SLCO1A2: variants seen among roughly 807,000 people sequenced by gnomAD.
SLCO1A2 encodes OATP-1.
In SLCO1A2, 67 loss-of-function variants were observed where a neutral mutation model predicts 69.0. That is an observed-to-expected ratio of 0.97 (90% CI 0.80 to 1.19). SLCO1A2 has a LOEUF of 1.19. Among genes scored for constraint, SLCO1A2 ranks in the 50% most tolerant of loss-of-function variants. The probability of loss-of-function intolerance (pLI) is 0.00; values close to 1 mark genes in which losing one functional copy is unlikely to be tolerated. For synonymous variants in SLCO1A2, 260 were observed against 265.9 expected (o/e 0.98, Z 0.22); for missense variants, 787 against 793.7 (o/e 0.99, Z 0.10).
At chr12:21,408,765 C>G (rs941355954) in intron 1 of SLCO1A2, among the ~76,000 whole-genome samples, 6 of 152,058 alleles carry the variant, frequency 3.9e-5, no homozygotes, top group African/African-American at 1.2e-4. Flanking sequence ...CTCCCGCACA[C>G]ACGCACTTAT....
intron 12 of SLCO1A2, 37 bp downstream of exon 12, chr12:21,292,126 AC>A (rs1398216353): frequency 1.4e-6 from 2 of 1,440,008 alleles, no homozygotes; most frequent in African/African-American, 2.9e-5. Context: ...TTAATAAATG[AC>A]CCCAAAAAAA....
chr12:21,390,244 T>C (rs1446565836), intron 1 of SLCO1A2, among the ~76,000 whole-genome samples: 5 of 152,070 alleles, frequency 3.3e-5, no homozygotes, highest in African/African-American at 1.2e-4. Context: ...AGGAGGCATC[T>C]GACCATATGG....
chr12:21,273,493 C>T (rs1286887890), intron 14 of SLCO1A2, among the ~76,000 whole-genome samples: 1 of 152,140 alleles, frequency 6.6e-6, no homozygotes, highest in Non-Finnish European at 1.5e-5. Flanking sequence ...CTCATGGATA[C>T]ACCATTTCAT....
rs369647266 is a variant in SLCO1A2 at position 21,380,934 on chromosome 12, A to G, written c.-189-6409T>C. On this transcript the variant is annotated intron_variant, in intron 1 of 15. Coordinates refer to the SLCO1A2 transcript ENST00000307378. ...ATCAGGCGACTATCAGCTGATGGTC[A>G]GGTGATTGTTAAATTGTCTCTCTAA... Among the ~76,000 whole-genome samples, 49 of 137,608 alleles carry G rather than the reference A, an allele frequency of 3.6e-4. No homozygotes were observed. The East Asian group carries it at 7.2e-3, about 20-fold the overall frequency. The allele number at this position is 137,608 out of a possible 152,430, so 90.3% of individuals were successfully genotyped here.
chr12:21,399,732 A>C (rs1377087405), upstream of SLCO1A2, among the ~76,000 whole-genome samples: 2 of 128,618 alleles, frequency 1.6e-5, no homozygotes, highest in Admixed American at 8.1e-5. Context: ...CATATCTACA[A>C]CTATCTGATC....
chr12:21,397,086 TAA>T (rs1411251959), upstream of SLCO1A2, among the ~76,000 whole-genome samples: 34 of 152,060 alleles, frequency 2.2e-4, no homozygotes, highest in South Asian at 4.8e-3. Flanking sequence ...GCAAATTGGA[TAA>T]AGAGTCAAGA....
intron 2 of SLCO1A2, among the ~76,000 whole-genome samples, chr12:21,360,731 G>T (rs1227662581): frequency 6.6e-6 from 1 of 152,216 alleles, no homozygotes; most frequent in Non-Finnish European, 1.5e-5. Flanking sequence ...GGCACACCAG[G>T]AGATTATATC....
chr12:21,304,651 G>A, intron 5 of SLCO1A2, 78 bp from the exon 6 acceptor site: 1 of 1,346,548 alleles, frequency 7.4e-7, no homozygotes. Flanking sequence ...GTTTTCTGTA[G>A]GCATTTCACA....
chr12:21,347,669 A>AAGGAAGGAAGGAAGGAAGGAAGGAAGG (rs1555122068), intron 2 of SLCO1A2, among the ~76,000 whole-genome samples: 70 of 113,494 alleles, frequency 6.2e-4, no homozygotes, highest in African/African-American at 2.3e-3. Flanking sequence ...AGAAAGAAAG[A>AAGGAAGGAAGGAAGGAAGGAAGGAAGG]AAGGAAGGAA....
At position 21,383,286 on chromosome 12, in the gene SLCO1A2, G is replaced by A. The variant is rs189390872; in HGVS notation, c.-189-8761C>T. Among the ~76,000 whole-genome samples the A allele has an allele frequency of 2.4e-3, 365 of 151,680 alleles. 2 individuals are homozygous for A. The highest frequency in any genetic ancestry group is 0.01 in the Middle Eastern group (3 of 294). ...GGGATTGTCCTATTTTCTTTGTTCC[G>A]TATACAACTAAGAACATTTTCTTCT... On this transcript the variant is annotated intron_variant, in intron 1 of 15. Coordinates refer to the SLCO1A2 transcript ENST00000307378.
intron 14 of SLCO1A2, among the ~76,000 whole-genome samples, chr12:21,273,144 A>T (rs1943174753): frequency 6.6e-6 from 1 of 152,164 alleles, no homozygotes; most frequent in African/African-American, 2.4e-5. Context: ...CATTGTACAC[A>T]CAGTGAATTT....
chr12:21,372,814 T>G (rs1939897376), intron 2 of SLCO1A2: 1 of 159,678 alleles, frequency 6.3e-6, no homozygotes, highest in South Asian at 1.8e-4. Flanking sequence ...GGGATGGAAA[T>G]TAATGACAGA....
chr12:21,367,034 C>T (rs1939441142), intron 2 of SLCO1A2, among the ~76,000 whole-genome samples: 2 of 151,114 alleles, frequency 1.3e-5, no homozygotes, highest in Admixed American at 1.3e-4. Flanking sequence ...GAAAAAGATC[C>T]ACACCAAAGC....
chr12:21,394,615 C>T (rs570266195), intron 1 of SLCO1A2, among the ~76,000 whole-genome samples: 1 of 151,416 alleles, frequency 6.6e-6, no homozygotes, highest in Non-Finnish European at 1.5e-5. Context: ...AAGAAAAGTG[C>T]AGGGAGACAT....
At chr12:21,344,487 C>T (rs932240605) in intron 2 of SLCO1A2, among the ~76,000 whole-genome samples, 2 of 151,898 alleles carry the variant, frequency 1.3e-5, no homozygotes, top group African/African-American at 2.4e-5. Flanking sequence ...TTTGATATGC[C>T]CCTCCCAGTT....
intron 2 of SLCO1A2, among the ~76,000 whole-genome samples, chr12:21,329,532 T>G (rs539955623): frequency 1.1e-4 from 17 of 151,880 alleles, no homozygotes; most frequent in Non-Finnish European, 2.2e-4. Context: ...TTGCATCTCC[T>G]TATGCATTTA....
chr12:21,328,972 G>A (rs747538155), intron 2 of SLCO1A2, among the ~76,000 whole-genome samples: 1 of 152,112 alleles, frequency 6.6e-6, no homozygotes, highest in East Asian at 1.9e-4. Context: ...CATTTTATAG[G>A]GATGGTTGGG....
rs184017142 is a variant in SLCO1A2 at position 21,309,051 on chromosome 12, A to G, written c.336-2063T>C. Among the ~76,000 whole-genome samples the G allele has an allele frequency of 1.3e-3, 201 of 152,350 alleles. 1 individual carries two copies. Among genetic ancestry groups the G allele is most frequent in the African/African-American group, 4.6e-3 (190 of 41,584 alleles). On this transcript the variant is annotated intron_variant, in intron 4 of 14. Transcript: ENST00000683939. ...TGAAAGAATAGTATGTTCCTTAAAA[A>G]GGGACATTCAAAGAATAAGAGCCCT...
chr12:21,378,324 T>G lies in SLCO1A2; in HGVS notation c.-189-3799A>C, dbSNP rs144465370. 8.1e-6 allele frequency: 13 copies of G among 1,614,090 alleles called. No individual in the cohort carries two copies. In the South Asian group the frequency reaches 1.4e-4, roughly 18 times the overall value. ...TTTTAGTTCATTCCAGCAACAACTT[T>G]GGTGCCATTCTCTCATCTACCAACG... On this transcript the variant is annotated intron_variant, in intron 1 of 15. Coordinates refer to the SLCO1A2 transcript ENST00000307378.
Sources: gnomAD v4.1 joint callset for allele counts (sites outside exome capture counted in the v4.1 genomes callset) on GRCh38, gnomAD v4.1.1 for gene constraint, MANE v1.5 for transcripts, NCBI Gene and HGNC (gene_info 2026-07-23, HGNC 2026-07-21) for gene names.